KLHDC4: variants seen among roughly 807,000 people sequenced by gnomAD.
KLHDC4 encodes the protein kelch domain-containing protein 4.
Under a neutral mutation model 62.4 loss-of-function variants are expected in KLHDC4, and 90 were observed. The observed-to-expected ratio is 1.44, with a 90% CI of 1.22 to 1.72. The LOEUF is 1.72. Among genes scored for constraint, KLHDC4 ranks in the 40% most tolerant of loss-of-function variants. The pLI, the probability that KLHDC4 is intolerant of heterozygous loss-of-function variation, is 0.00. For missense variants in KLHDC4, 1,025 were observed against 699.7 expected (o/e 1.47, Z -5.25); for synonymous variants, 386 against 284.4 (o/e 1.36, Z -3.59).
intron 7 of KLHDC4, among the ~76,000 whole-genome samples, chr16:87,721,572 G>C (rs182436859): frequency 6.6e-6 from 1 of 152,066 alleles, no homozygotes; most frequent in Non-Finnish European, 1.5e-5. Flanking sequence ...AGCTGGGCAC[G>C]GACCTCAGGG....
intron 5 of KLHDC4, among the ~76,000 whole-genome samples, chr16:87,745,768 C>T (rs540222238): frequency 6.6e-6 from 1 of 152,128 alleles, no homozygotes; most frequent in Non-Finnish European, 1.5e-5. Context: ...CTCAGCACCC[C>T]GAGCTGACTA....
At chr16:87,752,083 T>C (rs1311477993) in intron 4 of KLHDC4, among the ~76,000 whole-genome samples, 4 of 55,106 alleles carry the variant, frequency 7.3e-5, no homozygotes, top group Admixed American at 2.5e-4. Context: ...GAGTGAGACT[T>C]TGTCTCAAAA....
chr16:87,707,412 G>A (rs1300424226), downstream of KLHDC4, among the ~76,000 whole-genome samples: 1 of 152,212 alleles, frequency 6.6e-6, no homozygotes, highest in South Asian at 2.1e-4. Context: ...CCACGCGGCG[G>A]CAGGTGGCTC....
At chr16:87,732,422 C>G (rs2040547366) in intron 5 of KLHDC4, among the ~76,000 whole-genome samples, 1 of 152,098 alleles carries the variant, frequency 6.6e-6, no homozygotes, top group African/African-American at 2.4e-5. Flanking sequence ...TAACACTCAT[C>G]TAAGTGTACA....
chr16:87,720,904 C>T (rs2038168531), intron 7 of KLHDC4, among the ~76,000 whole-genome samples: 1 of 152,214 alleles, frequency 6.6e-6, no homozygotes, highest in East Asian at 1.9e-4. Flanking sequence ...CCTGCCTCTC[C>T]AGTCACTCAG....
At chr16:87,738,452 T>C (rs1214641059) in intron 5 of KLHDC4, among the ~76,000 whole-genome samples, 1 of 152,146 alleles carries the variant, frequency 6.6e-6, no homozygotes, top group Non-Finnish European at 1.5e-5. Context: ...ATGTATGCAC[T>C]GTCCGTGAAC....
At chr16:87,731,740 C>T (rs2040411993) in intron 5 of KLHDC4, among the ~76,000 whole-genome samples, 1 of 152,220 alleles carries the variant, frequency 6.6e-6, no homozygotes, top group African/African-American at 2.4e-5. Flanking sequence ...CACCAGTCCA[C>T]ACAGACGGAC....
At position 87,765,932 on chromosome 16, in the gene KLHDC4, A is replaced by T; in HGVS notation, c.-42T>A. 1 of 1,534,002 alleles carries T rather than the reference A, an allele frequency of 6.5e-7. No homozygotes were observed. The highest frequency in any genetic ancestry group is 1.2e-5 in the South Asian group (1 of 83,636). On this transcript the variant is annotated 5_prime_UTR_variant, in exon 1 of 12. Transcript: ENST00000270583. ...CCGCGACGGGACACCAGGAAAGAAAACGGCCCGCGCTCTCCGCTCGGAAAC... is the reference window on the plus strand; with the variant it reads ...CCGCGACGGGACACCAGGAAAGAAATCGGCCCGCGCTCTCCGCTCGGAAAC...
At chr16:87,701,502 G>A in exon 1 of KLHDC4, 2 of 359,524 alleles carry the variant, frequency 5.6e-6, no homozygotes, top group South Asian at 4.0e-5. Flanking sequence ...AAGCCTAGGA[G>A]AAGCAAGCAG....
intron 5 of KLHDC4, chr16:87,747,835 C>T (rs1414175531): frequency 6.6e-6 from 1 of 152,304 alleles, no homozygotes; most frequent in Non-Finnish European, 1.5e-5. Context: ...AGCCCGGGCT[C>T]CAGGGAGCGC....
At chr16:87,714,674 G>T in intron 7 of KLHDC4, 101 bp from the exon 8 acceptor site, 2 of 1,255,802 alleles carry the variant, frequency 1.6e-6, no homozygotes, top group Non-Finnish European at 2.3e-6. Flanking sequence ...GGGGCTGGAG[G>T]CCTTCCCTGT....
Position 87,709,339 on chromosome 16 carries a change from A to T in KLHDC4, c.1373T>A (p.Val458Asp), listed in dbSNP as rs1196219778. ...GGMFEAGDRQ[V>D]TLSDLHCLDL... ...CAGGCAGTGCAGGTCGCTGAGGGTG[A>T]CCTGGCGGTCGCCGGCCTCAAACAT... Residue 458 changes from valine to aspartate, a missense_variant, in exon 10 of 12, where the codon GTC becomes GAC. By Grantham distance (152) the Val-to-Asp change is radical. Coordinates refer to ENST00000270583, the MANE Select transcript of KLHDC4 (RefSeq NM_017566.4). 1 of 1,613,408 alleles carries T rather than the reference A, an allele frequency of 6.2e-7. No individual in the cohort carries two copies. Among genetic ancestry groups the T allele is most frequent in the African/African-American group, 1.3e-5 (1 of 75,054 alleles).
Position 87,765,933 on chromosome 16 carries a change from C to G in KLHDC4, c.-43G>C, listed in dbSNP as rs1380464283. On this transcript the variant is annotated 5_prime_UTR_variant, in exon 1 of 12. Transcript: ENST00000270583. ...CGCGACGGGACACCAGGAAAGAAAA[C>G]GGCCCGCGCTCTCCGCTCGGAAACA... 1.3e-6 allele frequency: 2 copies of G among 1,531,896 alleles called. No homozygotes were observed. The highest frequency in any genetic ancestry group is 2.5e-5 in the East Asian group (1 of 40,766). 94.9% of individuals were successfully genotyped at this position (1,531,896 alleles called of 1,614,324 possible). A position where few individuals can be genotyped will look rare whatever the true frequency, so the allele number is the denominator to read the frequency against.
At chr16:87,729,773 G>A (rs999429777) in intron 6 of KLHDC4, among the ~76,000 whole-genome samples, 5 of 152,094 alleles carry the variant, frequency 3.3e-5, no homozygotes, top group African/African-American at 9.7e-5. Context: ...AGTGATTACA[G>A]ACCCGTGGCT....
At chr16:87,747,563 C>T (rs1307875303) in intron 5 of KLHDC4, 1 of 152,214 alleles carries the variant, frequency 6.6e-6, no homozygotes, top group Non-Finnish European at 1.5e-5. Flanking sequence ...GTAACCCACC[C>T]CACACCACAG....
chr16:87,730,427 A>G, intron 6 of KLHDC4, 125 bp downstream of exon 6: 2 of 795,126 alleles, frequency 2.5e-6, no homozygotes, highest in South Asian at 3.7e-5. Context: ...TGGCTGCCCA[A>G]AGCTCATGAA....
chr16:87,709,852 G>T, intron 9 of KLHDC4, 185 bp from the exon 10 acceptor site: 1 of 672,280 alleles, frequency 1.5e-6, no homozygotes, highest in Non-Finnish European at 2.5e-6. Context: ...GCACGCTCCT[G>T]TCTCCCACTA....
chr16:87,747,159 TCAGAGTCACCA>T (rs950138373), intron 5 of KLHDC4, among the ~76,000 whole-genome samples: 18 of 152,256 alleles, frequency 1.2e-4, no homozygotes, highest in East Asian at 9.7e-4. Flanking sequence ...CACAGACAGC[TCAGAGTCACCA>T]CAGAGTCACC....
At chr16:87,738,241 G>T (rs2041675554) in intron 5 of KLHDC4, among the ~76,000 whole-genome samples, 2 of 152,150 alleles carry the variant, frequency 1.3e-5, no homozygotes, top group African/African-American at 4.8e-5. Context: ...ATCCTGCCGA[G>T]GAGCCTTCTC....
Sources: allele counts gnomAD v4.1 joint callset (sites outside exome capture counted in the v4.1 genomes callset), GRCh38; gene constraint gnomAD v4.1.1; transcripts MANE v1.5; gene names NCBI Gene and HGNC (gene_info 2026-07-23, HGNC 2026-07-21).